Variants in RIC8A observed in about 807,000 individuals in gnomAD.
The protein encoded by RIC8A is RIC8 guanine nucleotide exchange factor A.
RIC8A carries 37 observed loss-of-function variants against 48.4 expected under a neutral mutation model. That is an observed-to-expected ratio of 0.77 (90% CI 0.59 to 1.01). The LOEUF (loss-of-function observed/expected upper bound fraction) is 1.01, where lower values mean the gene tolerates loss of function less well. Among genes scored for constraint, RIC8A ranks in the 50% least tolerant of loss-of-function variants. The probability of loss-of-function intolerance (pLI) is 0.00; values close to 1 mark genes in which losing one functional copy is unlikely to be tolerated. For synonymous variants in RIC8A, 288 were observed against 283.4 expected, an observed-to-expected ratio of 1.02 and a Z score of -0.16; for missense variants, 681 against 696.8, an observed-to-expected ratio of 0.98 and a Z score of 0.25.
intron 8 of RIC8A, 44 bp downstream of exon 8, chr11:213,025 A>G: frequency 9.9e-6 from 15 of 1,522,370 alleles, no homozygotes; most frequent in Admixed American, 2.2e-5. Context: ...TCACAGCCCC[A>G]TAGTCCCTGC....
At position 209,581 on chromosome 11, in the gene RIC8A, G is replaced by A. The variant is rs774617626; in HGVS notation, c.307G>A (p.Gly103Arg). The change falls in exon 3 of 10, where the codon GGG becomes AGG. Residue 103 changes from glycine (G) to arginine (R), a missense_variant. Gly to Arg is a moderately radical substitution (Grantham distance 125). Coordinates refer to ENST00000526104, the MANE Select transcript of RIC8A (RefSeq NM_001286134.2). The part of the protein sequence containing the change: ...ACYADISVSE[G>R]SVPESADMDV... ...CTATGCTGACATCTCTGTCTCTGAG[G>A]GGTCCGTCCCAGAGTCCGCAGACAT... 2 of 1,614,088 alleles carry A rather than the reference G, an allele frequency of 1.2e-6. No individual in the cohort carries two copies. Among genetic ancestry groups the A allele is most frequent in the Non-Finnish European group, 1.7e-6 (2 of 1,180,046 alleles).
rs1006893704 is a variant in RIC8A at position 208,804 on chromosome 11, T to C, written c.-51T>C. On this transcript the variant is annotated 5_prime_UTR_variant, in exon 1 of 10. Transcript: ENST00000526104. This position sits in a 1 kb window ranked among gnomAD's most constrained non-coding sequence, Gnocchi z 4.8. ...CTGGGCCAGGGCGGGGCCGGCGAACTGCGGCCCGGAACGGCTGAGGAAGGG... is the reference window on the plus strand; with the variant it reads ...CTGGGCCAGGGCGGGGCCGGCGAACCGCGGCCCGGAACGGCTGAGGAAGGG... 2 of 1,510,360 alleles carry C rather than the reference T, an allele frequency of 1.3e-6. No individual in the cohort carries two copies. Among genetic ancestry groups the C allele is most frequent in the African/African-American group, 1.4e-5 (1 of 71,134 alleles). The allele number at this position is 1,510,360 out of a possible 1,614,324, so 93.6% of individuals were successfully genotyped here. A position where few individuals can be genotyped will look rare whatever the true frequency, so the allele number is the denominator to read the frequency against.
In RIC8A at chr11:208,941, A is replaced by G. The variant is rs908380579; in HGVS notation, c.84+3A>G. The G allele has an allele frequency of 1.9e-6, 3 of 1,604,362 alleles. No individual in the cohort carries two copies. Among genetic ancestry groups the G allele is most frequent in the East Asian group, 4.5e-5 (2 of 44,586 alleles). On this transcript the variant is annotated splice_donor_region_variant and intron_variant, in intron 1 of 9. Coordinates refer to ENST00000526104, the MANE Select transcript of RIC8A (RefSeq NM_001286134.2). The surrounding 1 kb of genome is among the most constrained non-coding windows in gnomAD (Gnocchi z 4.8). ...CTCTGCGGTCATACAACCAGGAGGT[A>G]AGCGGCCGCCTGAGGCCGGGGGGCG...
rs1855399412 is a variant in RIC8A at position 212,888 on chromosome 11, CT to C, written c.1263del (p.Ala422ProfsTer32). 1.2e-6 allele frequency: 2 copies of C among 1,606,260 alleles called. No homozygotes were observed. On this transcript the variant is annotated frameshift_variant, in exon 8 of 10. Coordinates refer to ENST00000526104, the MANE Select transcript of RIC8A (RefSeq NM_001286134.2). LOFTEE classifies it high-confidence loss of function. ...TGYGNAAGLL[A>X]ARGLMAGGRP... The stretch of plus-strand genomic sequence containing the variant: ...TATGGGAATGCTGCTGGCCTTCTGG[CT>C]GCCAGGGGCCTCATGGCAGGAGGCC...
chr11:214,557 C>A lies in RIC8A; in HGVS notation c.*207C>A. The A allele has an allele frequency of 1.5e-6, 1 of 678,998 alleles. No homozygotes were observed. The allele number at this position is 678,998 out of a possible 1,614,324, so 42.1% of individuals were successfully genotyped here. On this transcript the variant is annotated 3_prime_UTR_variant, in exon 10 of 10. Coordinates refer to ENST00000526104, the MANE Select transcript of RIC8A (RefSeq NM_001286134.2). ...TCTGGACTGCAACGGTCTTCTTGTG[C>A]TAGAACTCAGGCTCAGCCTCGAATT...
chr11:212,198 G>A, intron 5 of RIC8A: 1 of 573,898 alleles, frequency 1.7e-6, no homozygotes, highest in South Asian at 2.1e-5. Flanking sequence ...GTACCTCTGA[G>A]TTACGCTCTA....
In RIC8A at chr11:208,963, G is replaced by A. The variant is rs768341229; in HGVS notation, c.84+25G>A. The A allele has an allele frequency of 6.4e-7, 1 of 1,568,856 alleles. No individual in the cohort carries two copies. Among genetic ancestry groups the A allele is most frequent in the Non-Finnish European group, 8.7e-7 (1 of 1,152,200 alleles). ...GGTAAGCGGCCGCCTGAGGCCGGGGGGCGGGCACGGAGGGGGTGGGGCAGG... is the reference window on the plus strand; with the variant it reads ...GGTAAGCGGCCGCCTGAGGCCGGGGAGCGGGCACGGAGGGGGTGGGGCAGG... On this transcript the variant is annotated intron_variant, in intron 1 of 9. Transcript: ENST00000526104. This position sits in a 1 kb window ranked among gnomAD's most constrained non-coding sequence, Gnocchi z 4.8.
Position 210,580 on chromosome 11 carries a change from GCCCTTTACCGACACCTGGGGA to G in RIC8A, c.742_762del (p.Tyr248_Leu254del). 1 of 1,614,132 alleles carries G rather than the reference GCCCTTTACCGACACCTGGGGA, an allele frequency of 6.2e-7. No individual in the cohort carries two copies. On this transcript the variant is annotated inframe_deletion, in exon 4 of 10. Coordinates refer to ENST00000526104, the MANE Select transcript of RIC8A (RefSeq NM_001286134.2). Reference sequence around the variant, plus strand: ...TTCTTTCTTTGGTCAGGAAGACGCTGCCCTTTACCGACACCTGGGGACCCTTCTCCGGCACTGTGTGATGAT... The same window carrying G: ...TTCTTTCTTTGGTCAGGAAGACGCTGCCCTTCTCCGGCACTGTGTGATGAT...
chr11:208,577 C>T lies in RIC8A; in HGVS notation c.-278C>T, dbSNP rs558202911. On this transcript the variant is annotated 5_prime_UTR_variant, in exon 1 of 10. Transcript: ENST00000526104. This position sits in a 1 kb window ranked among gnomAD's most constrained non-coding sequence, Gnocchi z 4.8. ...ATCGTTTCCTGTTGGAACTTCTGGC[C>T]CAAGAAGCGCGGGTCACAAGGAGAG... 1 of 353,280 alleles carries T rather than the reference C, an allele frequency of 2.8e-6. No homozygotes were observed. Among genetic ancestry groups the T allele is most frequent in the East Asian group, 5.7e-5 (1 of 17,456 alleles). 21.9% of individuals were successfully genotyped at this position (353,280 alleles called of 1,614,324 possible).
intron 8 of RIC8A, 91 bp from the exon 9 acceptor site, chr11:213,207 GC>G: frequency 6.4e-7 from 1 of 1,560,984 alleles, no homozygotes. Flanking sequence ...CAGTTGCCTT[GC>G]CCACCTCACC....
chr11:212,741 G>T lies in RIC8A; in HGVS notation c.1192G>T (p.Val398Phe), dbSNP rs748738674. Residue 398 changes from valine to phenylalanine, a missense_variant, in exon 7 of 10, where the codon GTC becomes TTC. Transcript: ENST00000526104. ...VKRVAAEFLF[V>F]LCSESVPRFI... Reference sequence around the variant, plus strand: ...GAGGGTGGCTGCCGAGTTCTTGTTTGTCCTGTGCTCTGAGAGTGGTGAGTT... The same window carrying T: ...GAGGGTGGCTGCCGAGTTCTTGTTTTTCCTGTGCTCTGAGAGTGGTGAGTT... 1 of 1,614,082 alleles carries T rather than the reference G, an allele frequency of 6.2e-7. No individual in the cohort carries two copies. The highest frequency in any genetic ancestry group is 8.5e-7 in the Non-Finnish European group (1 of 1,180,020).
intron 4 of RIC8A, 91 bp downstream of exon 4, chr11:210,753 G>T (rs768569298): frequency 1.9e-5 from 22 of 1,175,034 alleles, no homozygotes; most frequent in Non-Finnish European, 2.8e-5. Context: ...CCACCTGAGA[G>T]CCCAGGCCCC....
In RIC8A at chr11:211,480, C is replaced by A; in HGVS notation, c.969+131C>A. ...TGTCTTGGTGGTGTGATATGGGCGACTCTTCCGGTTGTTCTGTGGTCCAGC... is the reference window on the plus strand; with the variant it reads ...TGTCTTGGTGGTGTGATATGGGCGAATCTTCCGGTTGTTCTGTGGTCCAGC... On this transcript the variant is annotated intron_variant, in intron 5 of 9. Coordinates refer to ENST00000526104, the MANE Select transcript of RIC8A (RefSeq NM_001286134.2). This position sits in a 1 kb window ranked among gnomAD's most constrained non-coding sequence, Gnocchi z 4.0. 1 of 1,017,644 alleles carries A rather than the reference C, an allele frequency of 9.8e-7. No homozygotes were observed. The highest frequency in any genetic ancestry group is 1.7e-5 in the South Asian group (1 of 57,590). 63.0% of individuals were successfully genotyped at this position (1,017,644 alleles called of 1,614,324 possible). A position where few individuals can be genotyped will look rare whatever the true frequency, so the allele number is the denominator to read the frequency against.
chr11:213,251 C>T (rs1445563686), intron 8 of RIC8A, 48 bp from the exon 9 acceptor site: 1 of 1,611,654 alleles, frequency 6.2e-7, no homozygotes, highest in Non-Finnish European at 8.5e-7. Context: ...GCCTCCTGTC[C>T]TGGAGAGTCA....
rs934706204 is a variant in RIC8A, at chr11:208,070, C to G, written c.-785C>G. ...CCTGTGCGTCACTGAATCCTCATGA[C>G]GGCCACTGAAACGGACACGCAGGAT... On this transcript the variant is annotated 5_prime_UTR_variant, in exon 1 of 10. Transcript: ENST00000526104. The surrounding 1 kb of genome is among the most constrained non-coding windows in gnomAD (Gnocchi z 4.8). The G allele has an allele frequency of 1.3e-5, 2 of 152,296 alleles. No homozygotes were observed. Among genetic ancestry groups the G allele is most frequent in the Non-Finnish European group, 2.9e-5 (2 of 68,062 alleles). The allele number at this position is 152,296 out of a possible 1,614,324, so 9.4% of individuals were successfully genotyped here. A position where few individuals can be genotyped will look rare whatever the true frequency, so the allele number is the denominator to read the frequency against.
Position 208,887 on chromosome 11 carries a change from G to A in RIC8A, c.33G>A (p.Glu11=), listed in dbSNP as rs773223008. 1.2e-6 allele frequency: 2 copies of A among 1,611,084 alleles called. No homozygotes were observed. The highest frequency in any genetic ancestry group is 1.7e-6 in the Non-Finnish European group (2 of 1,179,286). Residue 11 remains glutamate (E), a synonymous_variant, in exon 1 of 10, where the codon GAG becomes GAA. Coordinates refer to ENST00000526104, the MANE Select transcript of RIC8A (RefSeq NM_001286134.2). This position sits in a 1 kb window ranked among gnomAD's most constrained non-coding sequence, Gnocchi z 4.8. The part of the protein sequence containing the change: MEPRAVAEAV[E]TGEEDVIMEA... ...CCCGGGCGGTTGCAGAAGCCGTGGA[G>A]ACGGGTGAGGAGGATGTGATTATGG...
At chr11:210,081 A>C (rs1246819510) in intron 3 of RIC8A, 81 bp downstream of exon 3, 2 of 1,256,544 alleles carry the variant, frequency 1.6e-6, no homozygotes, top group African/African-American at 3.0e-5. Context: ...GGGTACCTTC[A>C]GGTTTCTGGG....
At position 208,837 on chromosome 11, in the gene RIC8A, C is replaced by A. The variant is rs1369708271; in HGVS notation, c.-18C>A. 1 of 1,601,740 alleles carries A rather than the reference C, an allele frequency of 6.2e-7. No individual in the cohort carries two copies. Among genetic ancestry groups the A allele is most frequent in the Non-Finnish European group, 8.5e-7 (1 of 1,174,452 alleles). ...GGAACGGCTGAGGAAGGGCCCGTCC[C>A]GCCTTCCCCGGCGCGCCATGGAGCC... On this transcript the variant is annotated 5_prime_UTR_variant, in exon 1 of 10. Coordinates refer to ENST00000526104, the MANE Select transcript of RIC8A (RefSeq NM_001286134.2). This position sits in a 1 kb window ranked among gnomAD's most constrained non-coding sequence, Gnocchi z 4.8.
intron 3 of RIC8A, 100 bp from the exon 4 acceptor site, chr11:210,471 C>A: frequency 9.0e-7 from 1 of 1,116,884 alleles, no homozygotes; most frequent in Non-Finnish European, 1.4e-6. Flanking sequence ...GGTGCACAGT[C>A]ATTGCCACAC....
Sources: gnomAD v4.1 joint callset for allele counts on GRCh38, gnomAD v4.1.1 for gene constraint, Gnocchi (gnomAD v3.1) non-coding constraint, MANE v1.5 for transcripts, NCBI Gene and HGNC (gene_info 2026-07-23, HGNC 2026-07-21) for gene names.